RALGPS1: variants seen among roughly 807,000 people sequenced by gnomAD.
RALGPS1 encodes ras-specific guanine nucleotide-releasing factor RalGPS1.
Under a neutral mutation model 78.8 loss-of-function variants are expected in RALGPS1, and 19 were observed. The observed-to-expected ratio is 0.24, with a 90% CI of 0.17 to 0.35. The LOEUF is 0.35. Ranked by LOEUF, RALGPS1 falls within the 10% of genes least tolerant of loss-of-function variation. RALGPS1 has a pLI of 1.00. For synonymous variants in RALGPS1, 228 were observed against 256.3 expected (o/e 0.89, Z 1.06); for missense variants, 454 against 688.3 (o/e 0.66, Z 3.81).
chr9:127,213,136 C>A, intron 17 of RALGPS1, 87 bp downstream of exon 17: 3 of 1,555,836 alleles, frequency 1.9e-6, no homozygotes, highest in South Asian at 1.2e-5. Context: ...TTATTAGGAG[C>A]TTTTGAGGCT....
intron 3 of RALGPS1, among the ~76,000 whole-genome samples, chr9:126,976,228 C>T (rs764138510): frequency 4.6e-5 from 7 of 151,960 alleles, no homozygotes; most frequent in East Asian, 1.9e-4. Context: ...GGTCAGGAAC[C>T]GTAAGTTCAC....
chr9:127,010,318 C>T (rs868339325), intron 4 of RALGPS1, among the ~76,000 whole-genome samples: 14 of 152,208 alleles, frequency 9.2e-5, no homozygotes, highest in African/African-American at 2.9e-4. Context: ...GGCTGCCCTA[C>T]AGCTCCTGAG....
At chr9:127,147,725 G>A (rs1312367828) in intron 8 of RALGPS1, among the ~76,000 whole-genome samples, 2 of 152,026 alleles carry the variant, frequency 1.3e-5, no homozygotes, top group East Asian at 1.9e-4. Context: ...CTATTCCCTC[G>A]ATACATATTT....
At chr9:127,039,936 C>G (rs553394548) in intron 5 of RALGPS1, among the ~76,000 whole-genome samples, 2 of 152,300 alleles carry the variant, frequency 1.3e-5, no homozygotes, top group South Asian at 2.1e-4. Context: ...TTGTGATTTT[C>G]TAAGTGGCCC....
rs758976967 is a variant in RALGPS1 at position 127,088,926 on chromosome 9, A to G, written c.610+19570A>G. On this transcript the variant is annotated intron_variant, in intron 8 of 18. Transcript: ENST00000259351. ...CTGGCAATGGCCACGAGAGGTCAGG[A>G]GGGGGAGCTGGCTTAGTGGAAGGTG... The G allele has an allele frequency of 9.3e-6, 15 of 1,614,108 alleles. No individual in the cohort carries two copies. In the East Asian group the frequency reaches 3.3e-4, roughly 36 times the overall value.
intron 8 of RALGPS1, among the ~76,000 whole-genome samples, chr9:127,119,173 C>T (rs1443936720): frequency 1.3e-5 from 2 of 152,192 alleles, no homozygotes; most frequent in Non-Finnish European, 2.9e-5. Flanking sequence ...TTCCTCTTGT[C>T]ACTGACCATA....
At chr9:126,973,740 A>G (rs1175197106) in intron 3 of RALGPS1, among the ~76,000 whole-genome samples, 1 of 152,190 alleles carries the variant, frequency 6.6e-6, no homozygotes, top group Non-Finnish European at 1.5e-5. Flanking sequence ...GTATCCATTA[A>G]ACAACTCCCC....
chr9:127,107,970 A>C, intron 8 of RALGPS1: 5 of 1,569,630 alleles, frequency 3.2e-6, no homozygotes, highest in Non-Finnish European at 4.3e-6. Context: ...TAGTGGGCAG[A>C]GGGGGTGGCA....
chr9:127,174,649 G>GCCCCAAA, intron 10 of RALGPS1, 66 bp from the exon 11 acceptor site: 1 of 1,435,202 alleles, frequency 7.0e-7, no homozygotes, highest in South Asian at 1.1e-5. Context: ...GCTTTTCCCA[G>GCCCCAAA]CCCCAAACAG....
chr9:127,123,713 T>C (rs548416098), intron 8 of RALGPS1, among the ~76,000 whole-genome samples: 1 of 152,114 alleles, frequency 6.6e-6, no homozygotes, highest in Non-Finnish European at 1.5e-5. Context: ...AAGGAGAGGA[T>C]GGCACTGGAC....
chr9:127,016,707 A>G (rs1244874531), intron 4 of RALGPS1: 1 of 152,210 alleles, frequency 6.6e-6, no homozygotes, highest in African/African-American at 2.4e-5. Flanking sequence ...GGAGATATAA[A>G]CAACCTAGGT....
chr9:127,218,860 C>A lies in RALGPS1; in HGVS notation c.*91C>A. 2 of 1,443,422 alleles carry A rather than the reference C, an allele frequency of 1.4e-6. No individual in the cohort carries two copies. The highest frequency in any genetic ancestry group is 2.0e-6 in the Non-Finnish European group (2 of 1,025,522). 89.4% of individuals were successfully genotyped at this position (1,443,422 alleles called of 1,614,324 possible). A position where few individuals can be genotyped will look rare whatever the true frequency, so the allele number is the denominator to read the frequency against. On this transcript the variant is annotated 3_prime_UTR_variant, in exon 19 of 19. Coordinates refer to ENST00000259351, the MANE Select transcript of RALGPS1 (RefSeq NM_014636.3). The surrounding 1 kb of genome is among the most constrained non-coding windows in gnomAD (Gnocchi z 4.4). Reference sequence around the variant, plus strand: ...AGCAGTCCTGGGCACAGGCTGTGAGCCAGGGTGCTGGGAAACTCACAGCTG... The same window carrying A: ...AGCAGTCCTGGGCACAGGCTGTGAGACAGGGTGCTGGGAAACTCACAGCTG...
At chr9:126,971,027 G>A (rs2040059657) in intron 3 of RALGPS1, among the ~76,000 whole-genome samples, 1 of 152,038 alleles carries the variant, frequency 6.6e-6, no homozygotes, top group Non-Finnish European at 1.5e-5. Context: ...GAATTCTTTT[G>A]GAAATGAAGA....
intron 14 of RALGPS1, among the ~76,000 whole-genome samples, chr9:127,202,338 C>T (rs2061679187): frequency 6.6e-6 from 1 of 152,114 alleles, no homozygotes; most frequent in South Asian, 2.1e-4. Context: ...TGAGTTTATG[C>T]ACATAGATGT....
At chr9:127,134,011 C>CG (rs572717330) in intron 8 of RALGPS1, among the ~76,000 whole-genome samples, 22 of 150,352 alleles carry the variant, frequency 1.5e-4, no homozygotes, top group Non-Finnish European at 1.8e-4. Context: ...CTCGCTCCCC[C>CG]CCCCGTGAAT....
intron 8 of RALGPS1, among the ~76,000 whole-genome samples, chr9:127,123,157 G>A (rs1329582216): frequency 2.0e-5 from 3 of 152,216 alleles, no homozygotes; most frequent in Non-Finnish European, 4.4e-5. Flanking sequence ...GCCGCCCTTC[G>A]TGGAGGCCTC....
intron 4 of RALGPS1, among the ~76,000 whole-genome samples, chr9:126,997,513 TAA>T (rs1196467375): frequency 1.3e-5 from 2 of 152,046 alleles, no homozygotes; most frequent in Non-Finnish European, 2.9e-5. Flanking sequence ...CTCAATGAAA[TAA>T]AAGAGGATAC....
intron 10 of RALGPS1, among the ~76,000 whole-genome samples, chr9:127,174,309 GAAAGAAAA>G: frequency 7.3e-6 from 1 of 136,308 alleles, no homozygotes; most frequent in East Asian, 2.0e-4. Flanking sequence ...GAGAAAGAAA[GAAAGAAAA>G]AAAAAGAAAA....
chr9:127,131,758 A>T (rs2138231717), intron 8 of RALGPS1, among the ~76,000 whole-genome samples: 1 of 152,230 alleles, frequency 6.6e-6, no homozygotes, highest in South Asian at 2.1e-4. Flanking sequence ...TTATGTCCAG[A>T]ACTATTGTGA....
Sources: gnomAD v4.1 joint callset for allele counts (sites outside exome capture counted in the v4.1 genomes callset) on GRCh38, gnomAD v4.1.1 for gene constraint, Gnocchi (gnomAD v3.1) non-coding constraint, MANE v1.5 for transcripts, NCBI Gene and HGNC (gene_info 2026-07-23, HGNC 2026-07-21) for gene names.